Variants in JMJD1C observed in about 807,000 individuals in gnomAD.
The protein encoded by JMJD1C is jumonji domain containing 1C.
A neutral mutation model predicts 245.3 loss-of-function variants in JMJD1C; 31 were observed. The observed-to-expected ratio is 0.13, with a 90% confidence interval of 0.09 to 0.17. The LOEUF (loss-of-function observed/expected upper bound fraction) is 0.17, where lower values mean the gene tolerates loss of function less well. Among genes scored for constraint, JMJD1C ranks in the 10% least tolerant of loss-of-function variants. The probability of loss-of-function intolerance (pLI) is 1.00; values close to 1 mark genes in which losing one functional copy is unlikely to be tolerated. For missense variants in JMJD1C, 2,691 were observed against 3,000.2 expected (o/e 0.90, Z 2.41); for synonymous variants, 1,057 against 1,017.4 (o/e 1.04, Z -0.74).
At chr10:63,406,015 C>A (rs1949147343) in intron 1 of JMJD1C, among the ~76,000 whole-genome samples, 1 of 152,020 alleles carries the variant, frequency 6.6e-6, no homozygotes, top group South Asian at 2.1e-4. Context: ...AAAGGAAAAC[C>A]AAACAAGCCC....
intron 2 of JMJD1C, among the ~76,000 whole-genome samples, chr10:63,372,393 C>T (rs1810639312): frequency 6.6e-6 from 1 of 152,154 alleles, no homozygotes; most frequent in Admixed American, 6.6e-5. Flanking sequence ...TAAAATAACG[C>T]ATTTCAGGTA....
At chr10:63,489,960 TCAGCAG>T (rs1954115442) in intron 1 of JMJD1C, among the ~76,000 whole-genome samples, 1 of 152,172 alleles carries the variant, frequency 6.6e-6, no homozygotes, top group South Asian at 2.1e-4. Flanking sequence ...TCCTGTCAAA[TCAGCAG>T]CTGCATTAGA....
intron 2 of JMJD1C, among the ~76,000 whole-genome samples, chr10:63,364,247 G>C (rs986836466): frequency 6.6e-6 from 1 of 152,004 alleles, no homozygotes; most frequent in Non-Finnish European, 1.5e-5. Flanking sequence ...GGGCTCAAGC[G>C]GTTCTCCCAC....
chr10:63,382,377 G>C (rs151262713), intron 1 of JMJD1C, among the ~76,000 whole-genome samples: 55 of 152,206 alleles, frequency 3.6e-4, no homozygotes, highest in African/African-American at 1.2e-3. Flanking sequence ...TACAAAGGTA[G>C]TCAATGGTAC....
chr10:63,318,234 C>G (rs7090111), intron 2 of JMJD1C, among the ~76,000 whole-genome samples: 57,662 of 151,888 alleles, frequency 0.38, 11,358 homozygotes, highest in South Asian at 0.5. Flanking sequence ...CCAGGCTAGT[C>G]TTGAACTCCT....
At chr10:63,297,847 G>A (rs1859625996) in intron 2 of JMJD1C, among the ~76,000 whole-genome samples, 1 of 152,192 alleles carries the variant, frequency 6.6e-6, no homozygotes, top group Non-Finnish European at 1.5e-5. Flanking sequence ...CACACTGCAG[G>A]TGACGAGAAA....
intron 1 of JMJD1C, among the ~76,000 whole-genome samples, chr10:63,461,830 GGATA>G (rs1368472716): frequency 1.3e-5 from 2 of 152,064 alleles, no homozygotes; most frequent in African/African-American, 4.8e-5. Context: ...ATGAATGGAT[GGATA>G]GATAAGCAAA....
rs77650864 is a variant in JMJD1C, at chr10:63,501,496, G to A, written n.113+20242C>T. On this transcript the variant is annotated intron_variant and non_coding_transcript_variant, in intron 1 of 3. Coordinates refer to the JMJD1C transcript ENST00000633035. ...AAATTGTTTTAGTAAGAATAATACCGGCTAGACACGGTGGCTCACGCCTGT... is the reference window on the plus strand; with the variant it reads ...AAATTGTTTTAGTAAGAATAATACCAGCTAGACACGGTGGCTCACGCCTGT... Among the ~76,000 whole-genome samples, 316 of 152,188 alleles carry A rather than the reference G, an allele frequency of 2.1e-3. 5 individuals are homozygous for A. In the East Asian group the frequency reaches 0.029, roughly 14 times the overall value.
intron 2 of JMJD1C, among the ~76,000 whole-genome samples, chr10:63,343,902 G>C: frequency 6.6e-6 from 1 of 151,906 alleles, no homozygotes; most frequent in Non-Finnish European, 1.5e-5. Context: ...GCCAGGTGTG[G>C]TGGTGTGTGC....
Position 63,198,589 on chromosome 10 carries a change from G to A in JMJD1C, c.5415C>T (p.Ile1805=). 1 of 1,609,498 alleles carries A rather than the reference G, an allele frequency of 6.2e-7. No homozygotes were observed. The highest frequency in any genetic ancestry group is 8.5e-7 in the Non-Finnish European group (1 of 1,176,678). Residue 1805 remains isoleucine (I), a synonymous_variant, in exon 12 of 26, where the codon ATC becomes ATT. Coordinates refer to ENST00000399262, the MANE Select transcript of JMJD1C (RefSeq NM_032776.3). The stretch of plus-strand genomic sequence containing the variant: ...AGAACTTATCACCTATTATATCCAA[G>A]ATATATTTAGAAGTCTCTATATCTA... ...DELDIETSKY[I]LDIIGDKFCQ... is the part of the protein sequence containing the mutation.
intron 3 of JMJD1C, among the ~76,000 whole-genome samples, chr10:63,237,133 G>A (rs1465049142): frequency 6.6e-6 from 1 of 152,084 alleles, no homozygotes; most frequent in African/African-American, 2.4e-5. Flanking sequence ...CGCTTCCCAG[G>A]TTCAAGTGAT....
intron 1 of JMJD1C, among the ~76,000 whole-genome samples, chr10:63,475,249 C>T (rs936850577): frequency 1.3e-5 from 2 of 152,088 alleles, no homozygotes; most frequent in African/African-American, 4.8e-5. Flanking sequence ...AGGATACTCC[C>T]CATTTTACAA....
intron 22 of JMJD1C, among the ~76,000 whole-genome samples, chr10:63,182,617 C>T (rs1460872753): frequency 6.6e-6 from 1 of 152,026 alleles, no homozygotes. Flanking sequence ...GAGAAGAAAA[C>T]GTTAAAGGCC....
At chr10:63,443,239 C>T (rs1334769254) in intron 1 of JMJD1C, among the ~76,000 whole-genome samples, 1 of 152,224 alleles carries the variant, frequency 6.6e-6, no homozygotes, top group Non-Finnish European at 1.5e-5. Context: ...AGCTTCCACA[C>T]CCTCTCTCAG....
Position 63,207,180 on chromosome 10 carries a change from T to C in JMJD1C, c.4489A>G (p.Ser1497Gly), listed in dbSNP as rs1407847287. Residue 1497 changes from serine to glycine, a missense_variant, in exon 10 of 26, where the codon AGT (serine) becomes GGT (glycine). Ser to Gly is a moderately conservative substitution (Grantham distance 56, BLOSUM62 0). Transcript: ENST00000399262. ...AALAAAQYKS[S>G]NASETEPNAI... ...TTAGGTTCAGTCTCACTGGCATTACTACTTTTATACTGAGCTGCAGCCAAT... is the reference window on the plus strand; with the variant it reads ...TTAGGTTCAGTCTCACTGGCATTACCACTTTTATACTGAGCTGCAGCCAAT... The C allele has an allele frequency of 1.2e-6, 2 of 1,614,184 alleles. No homozygotes were observed. Among genetic ancestry groups the C allele is most frequent in the Admixed American group, 3.3e-5 (2 of 60,028 alleles).
At chr10:63,329,413 T>A (rs9971137) in intron 2 of JMJD1C, among the ~76,000 whole-genome samples, 21,065 of 148,130 alleles carry the variant, frequency 0.14, 3,379 homozygotes, top group African/African-American at 0.4. Flanking sequence ...TAGGATAAGC[T>A]AGCAACAGGG....
At chr10:63,185,080 C>T (rs1182305355) in intron 20 of JMJD1C, among the ~76,000 whole-genome samples, 2 of 151,758 alleles carry the variant, frequency 1.3e-5, no homozygotes, top group African/African-American at 4.8e-5. Context: ...TTCTTTCCTT[C>T]ACTGTCCTAA....
intron 2 of JMJD1C, among the ~76,000 whole-genome samples, chr10:63,374,083 A>G (rs1946529877): frequency 6.6e-6 from 1 of 152,236 alleles, no homozygotes; most frequent in South Asian, 2.1e-4. Context: ...TTTAAAATAA[A>G]CATACAATTC....
intron 2 of JMJD1C, among the ~76,000 whole-genome samples, chr10:63,298,223 T>C (rs769864144): frequency 9.9e-5 from 15 of 152,278 alleles, no homozygotes; most frequent in Non-Finnish European, 1.8e-4. Flanking sequence ...AGGCCAGTAG[T>C]GTGAGCCGAG....
Sources: allele counts gnomAD v4.1 joint callset (sites outside exome capture counted in the v4.1 genomes callset), GRCh38; gene constraint gnomAD v4.1.1; transcripts MANE v1.5; gene names NCBI Gene and HGNC (gene_info 2026-07-23, HGNC 2026-07-21).